Variants in ZNF324B observed in about 807,000 individuals in gnomAD.
ZNF324B encodes zinc finger protein 324B.
In ZNF324B, 7 loss-of-function variants were observed where a neutral mutation model predicts 10.6. The ratio of observed to expected loss-of-function variants is 0.66; its 90% CI spans 0.38 to 1.24. The LOEUF (loss-of-function observed/expected upper bound fraction) is 1.24, where lower values mean the gene tolerates loss of function less well. Ranked by LOEUF, ZNF324B falls within the 50% of genes most tolerant of loss-of-function variation. The pLI, the probability that ZNF324B is intolerant of heterozygous loss-of-function variation, is 0.02. For missense variants in ZNF324B, 640 were observed against 764.7 expected, an observed-to-expected ratio of 0.84 and a Z score of 1.92; for synonymous variants, 316 against 321.0, an observed-to-expected ratio of 0.98 and a Z score of 0.17.
At chr19:58,446,573 C>CTTTTTTTTTT in the ZNF324B span, among the ~76,000 whole-genome samples, 1 of 102,510 alleles carries the variant, frequency 9.8e-6, no homozygotes, top group Non-Finnish European at 1.8e-5. Context: ...ATTTCTTTCT[C>CTTTTTTTTTT]TTTTTTTTTT....
the ZNF324B span, chr19:58,443,620 A>C: frequency 6.6e-6 from 1 of 152,270 alleles, no homozygotes; most frequent in Non-Finnish European, 1.5e-5. Context: ...AAACCTGTGT[A>C]GCATATCACA....
At chr19:58,424,434 A>G in the ZNF324B span, among the ~76,000 whole-genome samples, 2 of 152,228 alleles carry the variant, frequency 1.3e-5, no homozygotes, top group Admixed American at 6.5e-5. Context: ...CTGAACAAAT[A>G]TGCTTTGAAA....
the ZNF324B span, among the ~76,000 whole-genome samples, chr19:58,420,821 C>G: frequency 6.6e-6 from 1 of 151,594 alleles, no homozygotes; most frequent in South Asian, 2.1e-4. Flanking sequence ...GATTCTCATA[C>G]CTCAGTCTCC....
intron 1 of ZNF324B, 118 bp from the exon 2 acceptor site, chr19:58,453,578 G>C: frequency 7.2e-7 from 1 of 1,394,188 alleles, no homozygotes; most frequent in Non-Finnish European, 1.0e-6. Flanking sequence ...AGATAATCTC[G>C]GGGTGGAACC....
the ZNF324B span, chr19:58,434,008 T>C: frequency 6.2e-7 from 1 of 1,614,188 alleles, no homozygotes; most frequent in South Asian, 1.1e-5. Context: ...AGTGTGAACT[T>C]TCTGATGTCG....
the ZNF324B span, chr19:58,433,750 T>G: frequency 6.2e-7 from 1 of 1,614,112 alleles, no homozygotes; most frequent in Non-Finnish European, 8.5e-7. Context: ...TTCTTTTGTG[T>G]GAACTCTCCA....
the ZNF324B span, chr19:58,433,008 G>GTTCACTGCCTAACC: frequency 2.8e-6 from 1 of 362,742 alleles, no homozygotes; most frequent in Non-Finnish European, 5.0e-6. Flanking sequence ...CATCGGTTCA[G>GTTCACTGCCTAACC]CTGAGCACAG....
chr19:58,423,726 C>A, the ZNF324B span, among the ~76,000 whole-genome samples: 3 of 152,192 alleles, frequency 2.0e-5, no homozygotes, highest in East Asian at 3.9e-4. Context: ...GTCACATAGA[C>A]CACGGAAACA....
At chr19:58,442,738 C>T in the ZNF324B span, 1 of 152,340 alleles carries the variant, frequency 6.6e-6, no homozygotes, top group African/African-American at 2.4e-5. Context: ...GTGGCGTGTC[C>T]AATGTTGTTT....
At chr19:58,450,496 G>A (rs1223668168), upstream of ZNF324B, among the ~76,000 whole-genome samples, 1 of 149,862 alleles carries the variant, frequency 6.7e-6, no homozygotes, top group Non-Finnish European at 1.5e-5. Flanking sequence ...AAAAAAAATT[G>A]CTTGAAATGT....
the ZNF324B span, chr19:58,440,644 GC>G: frequency 5.3e-5 from 8 of 152,002 alleles, no homozygotes; most frequent in African/African-American, 1.9e-4. Flanking sequence ...GGCGAATATC[GC>G]CCCTGAGCCC....
the ZNF324B span, among the ~76,000 whole-genome samples, chr19:58,425,646 T>C: frequency 1.3e-5 from 2 of 151,664 alleles, no homozygotes; most frequent in South Asian, 2.1e-4. Flanking sequence ...ATTTTTTGTA[T>C]TTTTAATAGA....
chr19:58,424,231 A>G, the ZNF324B span, among the ~76,000 whole-genome samples: 2 of 151,650 alleles, frequency 1.3e-5, no homozygotes, highest in South Asian at 2.1e-4. Context: ...CCTGGGCAAC[A>G]AGAGTGAAAC....
At chr19:58,434,014 T>G in the ZNF324B span, 2 of 1,614,212 alleles carry the variant, frequency 1.2e-6, no homozygotes, top group Non-Finnish European at 1.7e-6. Flanking sequence ...AACTTTCTGA[T>G]GTCGAAGGAG....
the ZNF324B span, chr19:58,439,685 C>T: frequency 2.1e-6 from 3 of 1,432,166 alleles, no homozygotes; most frequent in Non-Finnish European, 2.8e-6. Context: ...ACACCAACAT[C>T]CCCTCTATCT....
the ZNF324B span, chr19:58,434,746 T>G: frequency 6.2e-7 from 1 of 1,614,238 alleles, no homozygotes; most frequent in Non-Finnish European, 8.5e-7. Context: ...GAAGAGTTTC[T>G]GTGTGGTACA....
the ZNF324B span, chr19:58,444,913 T>C: frequency 1.3e-5 from 2 of 156,676 alleles, no homozygotes; most frequent in South Asian, 1.9e-4. Flanking sequence ...TGAGCACCAA[T>C]ATGTTCACCC....
At chr19:58,440,571 G>C in the ZNF324B span, 1 of 152,362 alleles carries the variant, frequency 6.6e-6, no homozygotes, top group Non-Finnish European at 1.5e-5. Flanking sequence ...ATGGAAACAG[G>C]AGCGAGGAAG....
At chr19:58,435,938 C>G in the ZNF324B span, among the ~76,000 whole-genome samples, 1 of 152,132 alleles carries the variant, frequency 6.6e-6, no homozygotes, top group Non-Finnish European at 1.5e-5. Flanking sequence ...AAAATGGAAA[C>G]AAGCCAAATG....
Sources: allele counts gnomAD v4.1 joint callset (sites outside exome capture counted in the v4.1 genomes callset), GRCh38; gene constraint gnomAD v4.1.1; transcripts MANE v1.5; gene names NCBI Gene and HGNC (gene_info 2026-07-23, HGNC 2026-07-21).